Variants in APELA observed in about 807,000 individuals in gnomAD.
APELA encodes protein Elabela.
intron 2 of APELA, among the ~76,000 whole-genome samples, chr4:164,889,927 T>C (rs1245651209): frequency 1.3e-5 from 2 of 152,232 alleles, no homozygotes; most frequent in Admixed American, 6.5e-5. Context: ...TACGGAAGGC[T>C]AAGTGTAATT....
intron 2 of APELA, 42 bp downstream of exon 2, chr4:164,879,051 T>C (rs1339908255): frequency 2.5e-6 from 1 of 398,794 alleles, no homozygotes; most frequent in Non-Finnish European, 4.4e-6. Flanking sequence ...TTAGGCAGTG[T>C]TCCAAATTAG....
Position 164,896,784 on chromosome 4 carries a change from ATCTTTTTTTT to A in APELA, c.*1381_*1390del, listed in dbSNP as rs1288621785. On this transcript the variant is annotated 3_prime_UTR_variant, in exon 3 of 3. Transcript: ENST00000507152. ...CCAGATAAGAAATTTACAAGTTTAT[ATCTTTTTTTT>A]TCTTTTTTTTAAGATGAGATCTGGC... The A allele has an allele frequency of 6.8e-6, 1 of 147,874 alleles. No homozygotes were observed. Among genetic ancestry groups the A allele is most frequent in the Non-Finnish European group, 1.5e-5 (1 of 67,960 alleles). The allele number at this position is 147,874 out of a possible 1,614,324, so 9.2% of individuals were successfully genotyped here. A position where few individuals can be genotyped will look rare whatever the true frequency, so the allele number is the denominator to read the frequency against.
intron 2 of APELA, among the ~76,000 whole-genome samples, chr4:164,887,890 G>C (rs1041783112): frequency 1.3e-5 from 2 of 152,132 alleles, no homozygotes; most frequent in African/African-American, 4.8e-5. Flanking sequence ...GGGATTACAG[G>C]CTTGAGCCAC....
intron 2 of APELA, among the ~76,000 whole-genome samples, chr4:164,881,265 C>T (rs1730648062): frequency 6.6e-6 from 1 of 152,110 alleles, no homozygotes; most frequent in Admixed American, 6.5e-5. Flanking sequence ...TTTTTGGATG[C>T]TTTAGATAAA....
downstream of APELA, chr4:164,898,889 G>T (rs1731024767): frequency 6.6e-6 from 1 of 152,136 alleles, no homozygotes; most frequent in Admixed American, 6.6e-5. Flanking sequence ...ACTGAAGAGT[G>T]TGCCGAAAAT....
chr4:164,886,650 A>T (rs576864869), intron 2 of APELA, among the ~76,000 whole-genome samples: 1 of 152,154 alleles, frequency 6.6e-6, no homozygotes, highest in Non-Finnish European at 1.5e-5. Context: ...CGTCTAAAAA[A>T]AAAGAAAAAG....
intron 2 of APELA, among the ~76,000 whole-genome samples, chr4:164,884,147 G>GAAAGAAAGA (rs1560858104): frequency 2.1e-5 from 3 of 146,026 alleles, no homozygotes; most frequent in African/African-American, 7.9e-5. Flanking sequence ...AAGAAAGAAA[G>GAAAGAAAGA]AAAGAAAGAA....
Position 164,877,416 on chromosome 4 carries a change from T to C in APELA, c.76+9T>C, listed in dbSNP as rs193087039. ...CAGCGGACAGAGACCAGGTAGGCCTTTGATACATTTGTACAAGTAACTTGT... is the reference window on the plus strand; with the variant it reads ...CAGCGGACAGAGACCAGGTAGGCCTCTGATACATTTGTACAAGTAACTTGT... On this transcript the variant is annotated intron_variant, in intron 1 of 2. Coordinates refer to ENST00000507152, the MANE Select transcript of APELA (RefSeq NM_001297550.2). The C allele has an allele frequency of 1.1e-3, 424 of 398,994 alleles. 4 individuals carry two copies. The highest frequency in any genetic ancestry group is 2.5e-3 in the Middle Eastern group (4 of 1,588). The allele number at this position is 398,994 out of a possible 1,614,324, so 24.7% of individuals were successfully genotyped here.
chr4:164,892,724 C>T (rs1432338752), intron 2 of APELA, among the ~76,000 whole-genome samples: 1 of 152,238 alleles, frequency 6.6e-6, no homozygotes, highest in South Asian at 2.1e-4. Context: ...TAGGATTCAC[C>T]AGTGAAGCCA....
At chr4:164,882,229 G>A (rs939460107) in intron 2 of APELA, among the ~76,000 whole-genome samples, 9 of 151,946 alleles carry the variant, frequency 5.9e-5, no homozygotes, top group South Asian at 2.1e-4. Context: ...TCAGCCTCCC[G>A]AGTAGCTGGG....
chr4:164,880,261 G>A (rs1416398979), intron 2 of APELA, among the ~76,000 whole-genome samples: 1 of 152,052 alleles, frequency 6.6e-6, no homozygotes, highest in African/African-American at 2.4e-5. Context: ...CCAAACCCGG[G>A]GAAAGCCCTG....
chr4:164,884,121 G>GAAAGAGAAAGAAAGAAAGAAAGAA (rs5863729), intron 2 of APELA, among the ~76,000 whole-genome samples: 36 of 113,372 alleles, frequency 3.2e-4, no homozygotes, highest in Admixed American at 2.9e-3. Flanking sequence ...AAGAAAGAAA[G>GAAAGAGAAAGAAAGAAAGAAAGAA]AGAAAGAAAG....
chr4:164,882,168 A>T (rs1289419057), intron 2 of APELA, among the ~76,000 whole-genome samples: 1 of 152,028 alleles, frequency 6.6e-6, no homozygotes, highest in East Asian at 1.9e-4. Context: ...CAATGGTGCC[A>T]TCTCGGCTCA....
chr4:164,894,403 T>C (rs1451558246), intron 2 of APELA, among the ~76,000 whole-genome samples: 1 of 150,480 alleles, frequency 6.6e-6, no homozygotes, highest in Non-Finnish European at 1.5e-5. Context: ...TTTCTTTTCT[T>C]TTCTTCTTTA....
intron 2 of APELA, among the ~76,000 whole-genome samples, chr4:164,888,774 C>T (rs59520005): frequency 7.5e-6 from 1 of 132,906 alleles, no homozygotes; most frequent in Admixed American, 7.1e-5. Context: ...TTAGTGATTT[C>T]TCATTACTCT....
Position 164,889,213 on chromosome 4 carries a change from C to T in APELA, c.*2-6203C>T, listed in dbSNP as rs1730835809. 4.6e-5 allele frequency among the ~76,000 whole-genome samples: 7 copies of T among 151,890 alleles called. 1 individual carries two copies. The South Asian group carries it at 1.5e-3, about 31-fold the overall frequency. Reference sequence around the variant, plus strand: ...GATGAGGGTGGGGGATATGTGGGGGCTTGGAGTTCTTTAGGTATCACATTT... The same window carrying T: ...GATGAGGGTGGGGGATATGTGGGGGTTTGGAGTTCTTTAGGTATCACATTT... On this transcript the variant is annotated intron_variant, in intron 2 of 2. Coordinates refer to ENST00000507152, the MANE Select transcript of APELA (RefSeq NM_001297550.2).
At chr4:164,882,992 C>A (rs1219831200) in intron 2 of APELA, among the ~76,000 whole-genome samples, 1 of 152,078 alleles carries the variant, frequency 6.6e-6, no homozygotes, top group Non-Finnish European at 1.5e-5. Context: ...CCAACTGATA[C>A]TCTCTTGTCA....
chr4:164,885,578 T>C (rs956871591), intron 2 of APELA, among the ~76,000 whole-genome samples: 5 of 151,958 alleles, frequency 3.3e-5, no homozygotes, highest in Non-Finnish European at 7.4e-5. Flanking sequence ...CCATCTCTAC[T>C]GAAAATACAA....
In APELA at chr4:164,897,089, T is replaced by C. The variant is rs2111074340; in HGVS notation, c.*1675T>C. 1 of 152,312 alleles carries C rather than the reference T, an allele frequency of 6.6e-6. No homozygotes were observed. Among genetic ancestry groups the C allele is most frequent in the East Asian group, 1.9e-4 (1 of 5,188 alleles). The allele number at this position is 152,312 out of a possible 1,614,324, so 9.4% of individuals were successfully genotyped here. A position where few individuals can be genotyped will look rare whatever the true frequency, so the allele number is the denominator to read the frequency against. On this transcript the variant is annotated 3_prime_UTR_variant, in exon 3 of 3. Transcript: ENST00000507152. ...GCCACCATGCTGGGCCACAAGTTCA[T>C]ATCTGGAGTAGAAGTTTTACTTTGT...
Sources: allele counts gnomAD v4.1 joint callset (sites outside exome capture counted in the v4.1 genomes callset), GRCh38; gene constraint gnomAD v4.1.1; transcripts MANE v1.5; gene names NCBI Gene and HGNC (gene_info 2026-07-23, HGNC 2026-07-21).